The following CIROZ variants were observed in gnomAD, a reference collection of about 807,000 sequenced individuals.
CIROZ encodes ciliated left-right organizer ZP-N domains-containing protein.
chr1:10,975,042 C>G, the CIROZ span, among the ~76,000 whole-genome samples: 2 of 152,132 alleles, frequency 1.3e-5, no homozygotes, highest in Non-Finnish European at 2.9e-5. Flanking sequence ...GAAGCAAAGG[C>G]AGGCAGATCA....
chr1:10,982,056 T>A, the CIROZ span: 1 of 1,537,186 alleles, frequency 6.5e-7, no homozygotes. Context: ...CCAGCAGCTC[T>A]CTCCTGCCCT....
At chr1:10,976,276 G>A in the CIROZ span, 1 of 1,502,940 alleles carries the variant, frequency 6.7e-7, no homozygotes, top group Non-Finnish European at 9.0e-7. Flanking sequence ...AGGAGGGAAG[G>A]GGGTGGGGAC....
the CIROZ span, chr1:10,948,843 T>G: frequency 6.7e-7 from 1 of 1,483,048 alleles, no homozygotes; most frequent in South Asian, 1.5e-5. Flanking sequence ...TCCAAGCCCC[T>G]TCTTCACCAA....
the CIROZ span, among the ~76,000 whole-genome samples, chr1:10,962,797 C>T: frequency 1.7e-3 from 265 of 152,322 alleles, no homozygotes; most frequent in South Asian, 7.1e-3. Context: ...GTGAGTAGAA[C>T]GGCACCCAGC....
chr1:10,954,521 C>T, the CIROZ span, among the ~76,000 whole-genome samples: 96 of 152,204 alleles, frequency 6.3e-4, no homozygotes, highest in Non-Finnish European at 1.5e-4. Context: ...CAGGGGCATC[C>T]CATGCCCTGT....
chr1:10,974,397 G>A, the CIROZ span, among the ~76,000 whole-genome samples: 3 of 152,074 alleles, frequency 2.0e-5, no homozygotes, highest in Non-Finnish European at 4.4e-5. The surrounding 1 kb of genome is among the most constrained non-coding windows in gnomAD (Gnocchi z 4.4). Context: ...GACGACCAGT[G>A]GGCAGAGAAA....
At chr1:10,948,867 A>G in the CIROZ span, 1 of 1,475,282 alleles carries the variant, frequency 6.8e-7, no homozygotes, top group Non-Finnish European at 9.0e-7. Context: ...AGAAGTGGAG[A>G]GAGAAAAAGC....
chr1:10,978,404 A>G, the CIROZ span, among the ~76,000 whole-genome samples: 2 of 151,342 alleles, frequency 1.3e-5, no homozygotes, highest in African/African-American at 4.9e-5. Context: ...TTGAACCAAG[A>G]TGGTATGTAT....
At chr1:10,957,644 G>C in the CIROZ span, 1 of 1,614,132 alleles carries the variant, frequency 6.2e-7, no homozygotes, top group African/African-American at 1.3e-5. Context: ...GCCTTGTCTC[G>C]GGCTTTGGAC....
chr1:10,958,745 C>T, the CIROZ span: 42 of 1,613,834 alleles, frequency 2.6e-5, no homozygotes, highest in African/African-American at 4.0e-4. Flanking sequence ...GGGCAGGGGC[C>T]GGGAGACCTG....
the CIROZ span, among the ~76,000 whole-genome samples, chr1:10,953,817 C>T: frequency 6.6e-6 from 1 of 152,200 alleles, no homozygotes; most frequent in Non-Finnish European, 1.5e-5. Flanking sequence ...ACCACATCAC[C>T]ACTCAGTTCT....
the CIROZ span, chr1:10,982,035 C>T: frequency 6.5e-7 from 1 of 1,537,262 alleles, no homozygotes; most frequent in Non-Finnish European, 8.7e-7. Flanking sequence ...GGGACCCCCA[C>T]ATCCTCAGGC....
At chr1:10,954,149 G>A in the CIROZ span, 46 of 1,610,182 alleles carry the variant, frequency 2.9e-5, no homozygotes, top group Non-Finnish European at 3.7e-5. Flanking sequence ...ATCGCTGTGG[G>A]GCCACAAGAA....
At chr1:10,954,200 A>G in the CIROZ span, 1 of 1,553,766 alleles carries the variant, frequency 6.4e-7, no homozygotes, top group East Asian at 2.4e-5. Context: ...TCACGCCTGT[A>G]ATCCCAGCAC....
the CIROZ span, among the ~76,000 whole-genome samples, chr1:10,965,529 G>A: frequency 3.9e-5 from 6 of 152,172 alleles, no homozygotes; most frequent in African/African-American, 1.4e-4. Flanking sequence ...TTCCAGACCA[G>A]CCTGGGCAAC....
the CIROZ span, chr1:10,970,007 C>G: frequency 3.3e-6 from 5 of 1,536,912 alleles, no homozygotes; most frequent in African/African-American, 1.4e-5. Flanking sequence ...ACCGCCTCAG[C>G]CCCTCCACGT....
At chr1:10,973,872 C>T in the CIROZ span, among the ~76,000 whole-genome samples, 3 of 152,146 alleles carry the variant, frequency 2.0e-5, no homozygotes, top group Non-Finnish European at 4.4e-5. Context: ...CAGGATCTGC[C>T]TTCCCGGGTG....
chr1:10,966,352 A>G, the CIROZ span: 1 of 1,503,632 alleles, frequency 6.7e-7, no homozygotes, highest in Non-Finnish European at 8.8e-7. Context: ...AGTTTCCCAA[A>G]CCCACCTCTT....
At chr1:10,957,702 C>A in the CIROZ span, 5 of 1,614,092 alleles carry the variant, frequency 3.1e-6, no homozygotes, top group South Asian at 5.5e-5. Context: ...ATCAGGCTGG[C>A]GTCTTCAAGA....
Sources: gnomAD v4.1 joint callset for allele counts (sites outside exome capture counted in the v4.1 genomes callset) on GRCh38, gnomAD v4.1.1 for gene constraint, Gnocchi (gnomAD v3.1) non-coding constraint, MANE v1.5 for transcripts, NCBI Gene and HGNC (gene_info 2026-07-23, HGNC 2026-07-21) for gene names.